PDE1C: variants seen among roughly 807,000 people sequenced by gnomAD.
PDE1C encodes the protein dual specificity calcium/calmodulin-dependent 3',5'-cyclic nucleotide phosphodiesterase 1C.
Under a neutral mutation model 93.1 loss-of-function variants are expected in PDE1C, and 62 were observed. That is an observed-to-expected ratio of 0.67 (90% confidence interval 0.54 to 0.82). The LOEUF is 0.82. Ranked by LOEUF, PDE1C falls within the 40% of genes least tolerant of loss-of-function variation. PDE1C has a pLI of 0.00. For synonymous variants in PDE1C, 325 were observed against 310.1 expected (o/e 1.05, Z -0.50); for missense variants, 742 against 884.6 (o/e 0.84, Z 2.04).
rs367621356 is a variant in PDE1C, at chr7:32,019,740, A to T, written c.128+31814T>A. Among the ~76,000 whole-genome samples, 17 of 152,198 alleles carry T rather than the reference A, an allele frequency of 1.1e-4. No homozygotes were observed. The East Asian group carries it at 2.9e-3, about 26-fold the overall frequency. On this transcript the variant is annotated intron_variant, in intron 2 of 17. Coordinates refer to ENST00000396191, the MANE Select transcript of PDE1C (RefSeq NM_001191057.4). ...AACTTTGTGATTGACTGTATATAGG[A>T]TAGGGAAACAAGGGGAGGGAAGGGT...
the PDE1C span, among the ~76,000 whole-genome samples, chr7:31,732,638 C>G: frequency 0.22 from 31,466 of 144,082 alleles, 5,398 homozygotes; most frequent in African/African-American, 0.45. Flanking sequence ...TCCTCTCTTT[C>G]TGTGTGTGTG....
At chr7:32,246,621 A>T (rs967462420) in intron 1 of PDE1C, among the ~76,000 whole-genome samples, 1 of 152,196 alleles carries the variant, frequency 6.6e-6, no homozygotes, top group Non-Finnish European at 1.5e-5. Context: ...TTCTTTACTG[A>T]CACATTTAAA....
At chr7:31,937,008 G>T (rs993988965) in intron 2 of PDE1C, among the ~76,000 whole-genome samples, 11 of 152,178 alleles carry the variant, frequency 7.2e-5, no homozygotes, top group African/African-American at 2.7e-4. Context: ...GTTGGGAGGG[G>T]TGCTTCCAGG....
At chr7:32,009,972 G>T (rs1249359583) in intron 2 of PDE1C, among the ~76,000 whole-genome samples, 2 of 152,234 alleles carry the variant, frequency 1.3e-5, no homozygotes, top group African/African-American at 4.8e-5. Flanking sequence ...TCTAACAAGA[G>T]ATTGTCAAGA....
intron 2 of PDE1C, among the ~76,000 whole-genome samples, chr7:32,007,678 T>C (rs1489301512): frequency 1.3e-5 from 2 of 152,224 alleles, no homozygotes; most frequent in Non-Finnish European, 2.9e-5. Flanking sequence ...AGCCTTATTG[T>C]TCTCCATAGC....
At chr7:32,104,785 A>G (rs144275016) in intron 3 of PDE1C, among the ~76,000 whole-genome samples, 748 of 152,304 alleles carry the variant, frequency 4.9e-3, no homozygotes, top group African/African-American at 0.017. Flanking sequence ...AATCTATATT[A>G]ATTTAAAATA....
At position 31,763,968 on chromosome 7, in the gene PDE1C, T is replaced by A. The variant is rs182864158; in HGVS notation, c.1961-10415A>T. On this transcript the variant is annotated intron_variant, in intron 17 of 17. Coordinates refer to ENST00000396191, the MANE Select transcript of PDE1C (RefSeq NM_001191057.4). ...TAAAATCTGCATTTGTGAAAATATA[T>A]ATATTATGTATATATTATATATATT... is the stretch of plus-strand genomic sequence containing the variant. 9.4e-4 allele frequency among the ~76,000 whole-genome samples: 140 copies of A among 148,596 alleles called. 1 individual carries two copies. Among genetic ancestry groups the A allele is most frequent in the African/African-American group, 3.3e-3 (134 of 40,958 alleles).
chr7:31,989,194 A>C (rs1404307984), intron 2 of PDE1C, among the ~76,000 whole-genome samples: 1 of 152,136 alleles, frequency 6.6e-6, no homozygotes, highest in African/African-American at 2.4e-5. Context: ...GACTTTACTT[A>C]TATTTCCCTC....
At chr7:31,654,525 TG>T in the PDE1C span, among the ~76,000 whole-genome samples, 1 of 152,164 alleles carries the variant, frequency 6.6e-6, no homozygotes, top group Non-Finnish European at 1.5e-5. Context: ...AAAACGCCCC[TG>T]GGGGTCTACA....
Position 31,978,843 on chromosome 7 carries a change from A to G in PDE1C, c.128+72711T>C, listed in dbSNP as rs187006348. ...GGGTTTCTGGAGGTGGGGGGAGCCA[A>G]TGGTCTCAGACTTTTGGAACCACTT... On this transcript the variant is annotated intron_variant, in intron 2 of 17. Coordinates refer to ENST00000396191, the MANE Select transcript of PDE1C (RefSeq NM_001191057.4). 2.0e-3 allele frequency among the ~76,000 whole-genome samples: 308 copies of G among 152,292 alleles called. 2 individuals are homozygous for G. Among genetic ancestry groups the G allele is most frequent in the African/African-American group, 7.1e-3 (295 of 41,584 alleles).
chr7:31,704,321 C>CTAT, the PDE1C span, among the ~76,000 whole-genome samples: 1 of 152,146 alleles, frequency 6.6e-6, no homozygotes, highest in Admixed American at 6.5e-5. Flanking sequence ...TGTGCATGAA[C>CTAT]TATTTTAGAT....
At chr7:31,980,661 A>G (rs1228280377) in intron 2 of PDE1C, among the ~76,000 whole-genome samples, 2 of 152,102 alleles carry the variant, frequency 1.3e-5, no homozygotes, top group Non-Finnish European at 2.9e-5. Context: ...AACAACACAA[A>G]TTTCTTCTCT....
intron 16 of PDE1C, chr7:31,788,772 C>T (rs992935876): frequency 1.3e-5 from 2 of 152,222 alleles, no homozygotes; most frequent in South Asian, 4.1e-4. Context: ...TTCTCCAAGG[C>T]AAAATGTAAA....
At chr7:31,663,852 C>T in the PDE1C span, among the ~76,000 whole-genome samples, 1 of 152,174 alleles carries the variant, frequency 6.6e-6, no homozygotes, top group African/African-American at 2.4e-5. Flanking sequence ...ATTATTTCTT[C>T]AAATACATTT....
the PDE1C span, among the ~76,000 whole-genome samples, chr7:31,650,040 G>A: frequency 6.6e-6 from 1 of 152,144 alleles, no homozygotes; most frequent in Non-Finnish European, 1.5e-5. Context: ...GACCAACTGT[G>A]TTTGTGAGCC....
chr7:31,959,358 G>A (rs1228554775), intron 2 of PDE1C, among the ~76,000 whole-genome samples: 1 of 151,992 alleles, frequency 6.6e-6, no homozygotes, highest in Admixed American at 6.6e-5. Context: ...GATTATAAGT[G>A]TGCACAACTA....
intron 2 of PDE1C, among the ~76,000 whole-genome samples, chr7:31,947,626 G>A (rs1361817967): frequency 6.6e-6 from 1 of 152,180 alleles, no homozygotes; most frequent in African/African-American, 2.4e-5. Flanking sequence ...TTACAGAGTA[G>A]CATCGTGAAC....
the PDE1C span, among the ~76,000 whole-genome samples, chr7:31,689,282 A>G: frequency 6.6e-6 from 1 of 152,242 alleles, no homozygotes. Context: ...ACAGTTTATG[A>G]AAACACCCCC....
At chr7:32,008,359 T>C (rs1786553045) in intron 2 of PDE1C, among the ~76,000 whole-genome samples, 1 of 152,186 alleles carries the variant, frequency 6.6e-6, no homozygotes, top group African/African-American at 2.4e-5. Context: ...TCACTGTTCA[T>C]CAAGGTTTCT....
Sources: gnomAD v4.1 joint callset for allele counts (sites outside exome capture counted in the v4.1 genomes callset) on GRCh38, gnomAD v4.1.1 for gene constraint, MANE v1.5 for transcripts, NCBI Gene and HGNC (gene_info 2026-07-23, HGNC 2026-07-21) for gene names.